Variants in ITIH3 observed in about 807,000 individuals in gnomAD.
The protein encoded by ITIH3 is inter-alpha-trypsin inhibitor heavy chain H3.
ITIH3 carries 81 observed loss-of-function variants against 96.5 expected under a neutral mutation model. The observed-to-expected ratio is 0.84, with a 90% CI of 0.70 to 1.01. The LOEUF (loss-of-function observed/expected upper bound fraction) is 1.01. Among genes scored for constraint, ITIH3 ranks in the 50% least tolerant of loss-of-function variants. The pLI, the probability that ITIH3 is intolerant of heterozygous loss-of-function variation, is 0.00. For missense variants in ITIH3, 1,057 were observed against 1,139.3 expected, an observed-to-expected ratio of 0.93 and a Z score of 1.04; for synonymous variants, 422 against 445.2, an observed-to-expected ratio of 0.95 and a Z score of 0.66.
chr3:52,797,321 G>T, intron 5 of ITIH3, 54 bp downstream of exon 5: 1 of 1,537,090 alleles, frequency 6.5e-7, no homozygotes, highest in South Asian at 1.2e-5. Context: ...GCAGGAACCC[G>T]CCCATGGGGC....
At chr3:52,805,916 TACTC>T in intron 16 of ITIH3, 76 bp downstream of exon 16, 1 of 1,579,088 alleles carries the variant, frequency 6.3e-7, no homozygotes, top group Non-Finnish European at 8.7e-7. Flanking sequence ...CCACCGTGGC[TACTC>T]ACTCAGCTCT....
rs767742844 is a variant in ITIH3 at position 52,799,826 on chromosome 3, G to C, written c.980G>C (p.Gly327Ala). 6.2e-7 allele frequency: 1 copy of C among 1,613,926 alleles called. No individual in the cohort carries two copies. Among genetic ancestry groups the C allele is most frequent in the Non-Finnish European group, 8.5e-7 (1 of 1,179,808 alleles). ...EDYLNFILFS[G>A]DVSTWKEHLV... is the part of the protein sequence containing the mutation. The stretch of plus-strand genomic sequence containing the variant: ...TATCTGAATTTCATCCTGTTCAGTG[G>C]AGATGTGTCCACATGGAAAGAGCAC... Residue 327 changes from glycine (G) to alanine (A), a missense_variant, in exon 9 of 22, where the codon GGA (glycine) becomes GCA (alanine). By Grantham distance (60) the Gly-to-Ala change is moderately conservative. Coordinates refer to ENST00000449956, the MANE Select transcript of ITIH3 (RefSeq NM_002217.4).
At chr3:52,797,792 C>T in intron 5 of ITIH3, 25 bp from the exon 6 acceptor site, 1 of 1,485,454 alleles carries the variant, frequency 6.7e-7, no homozygotes, top group Non-Finnish European at 9.3e-7. Context: ...CACTGAGTGA[C>T]ATTTCCTTAC....
Position 52,799,877 on chromosome 3 carries a change from T to C in ITIH3, c.1031T>C (p.Leu344Pro). 1 of 1,613,836 alleles carries C rather than the reference T, an allele frequency of 6.2e-7. No homozygotes were observed. Among genetic ancestry groups the C allele is most frequent in the Non-Finnish European group, 8.5e-7 (1 of 1,179,808 alleles). Reference protein sequence around the residue: ...EHLVQATPENLQEARTFVKSM... With the variant: ...EHLVQATPENPQEARTFVKSM... ...TTAGTCCAGGCCACGCCCGAGAACC[T>C]CCAGGAGGCCAGGACGTTTGTGAAG... The change falls in exon 9 of 22, where the codon CTC (leucine) becomes CCC (proline). Residue 344 changes from leucine to proline, a missense_variant. Coordinates refer to ENST00000449956, the MANE Select transcript of ITIH3 (RefSeq NM_002217.4).
At chr3:52,801,234 G>A (rs1378361280) in intron 11 of ITIH3, 88 bp downstream of exon 11, 2 of 1,223,424 alleles carry the variant, frequency 1.6e-6, no homozygotes, top group African/African-American at 3.1e-5. Context: ...CTAGTTATTA[G>A]GAAGAGCTTC....
intron 19 of ITIH3, among the ~76,000 whole-genome samples, 170 bp from the exon 20 acceptor site, chr3:52,807,577 G>C (rs1416244857): frequency 6.6e-6 from 1 of 152,236 alleles, no homozygotes; most frequent in Admixed American, 6.5e-5. Flanking sequence ...CACGGGAGGG[G>C]AGACAGTGTG....
chr3:52,800,857 G>A (rs556793699), intron 10 of ITIH3, 108 bp from the exon 11 acceptor site: 30 of 1,509,386 alleles, frequency 2.0e-5, no homozygotes, highest in South Asian at 1.2e-4. Context: ...GCTCATGGTC[G>A]TGACTCCAGC....
intron 11 of ITIH3, among the ~76,000 whole-genome samples, chr3:52,801,708 A>G (rs1255789005): frequency 6.6e-6 from 1 of 152,148 alleles, no homozygotes; most frequent in African/African-American, 2.4e-5. Flanking sequence ...ATCATATTGG[A>G]TTAGGGCCCA....
At position 52,797,139 on chromosome 3, in the gene ITIH3, T is replaced by C; in HGVS notation, c.421T>C (p.Ser141Pro). The C allele has an allele frequency of 6.2e-7, 1 of 1,609,810 alleles. No homozygotes were observed. Among genetic ancestry groups the C allele is most frequent in the Non-Finnish European group, 8.5e-7 (1 of 1,178,404 alleles). ...GAGGAAGTTGGAGAAGTTCACAGTC[T>C]CGGTCAACGTGGCTGCAGGCAGCAA... ...SGRKLEKFTV[S>P]VNVAAGSKVT... The change falls in exon 5 of 22, where the codon TCG becomes CCG. Residue 141 changes from serine (S) to proline (P), a missense_variant. Coordinates refer to ENST00000449956, the MANE Select transcript of ITIH3 (RefSeq NM_002217.4).
Position 52,799,914 on chromosome 3 carries a change from T to C in ITIH3, c.1068T>C (p.Asp356=), listed in dbSNP as rs1413918383. 1.2e-6 allele frequency: 2 copies of C among 1,613,338 alleles called. No homozygotes were observed. Among genetic ancestry groups the C allele is most frequent in the South Asian group, 1.1e-5 (1 of 90,990 alleles). ...EARTFVKSME[D]KGMTNINDGL... ...GGACGTTTGTGAAGAGCATGGAGGA[T>C]AAAGGAAGTAAGAGCGGAGCTGGAG... The change falls in exon 9 of 22, where the codon GAT becomes GAC. Residue 356 remains aspartate, a synonymous_variant. Coordinates refer to ENST00000449956, the MANE Select transcript of ITIH3 (RefSeq NM_002217.4).
At chr3:52,797,955 G>A in intron 6 of ITIH3, 25 bp downstream of exon 6, 1 of 1,366,544 alleles carries the variant, frequency 7.3e-7, no homozygotes, top group Non-Finnish European at 1.0e-6. Flanking sequence ...TCTCAGACCT[G>A]GTGGGGCAGG....
chr3:52,802,272 G>C, intron 11 of ITIH3, 62 bp from the exon 12 acceptor site: 1 of 1,560,324 alleles, frequency 6.4e-7, no homozygotes. Flanking sequence ...TGGATGCCCA[G>C]CTGCAGCATC....
chr3:52,804,437 A>C (rs1699963085), intron 14 of ITIH3: 7 of 464,018 alleles, frequency 1.5e-5, no homozygotes, highest in Non-Finnish European at 2.3e-5. Flanking sequence ...AGATTGCCCT[A>C]CTCAACAGGG....
At chr3:52,808,034 C>G in intron 20 of ITIH3, 76 bp from the exon 21 acceptor site, 2 of 1,577,396 alleles carry the variant, frequency 1.3e-6, no homozygotes, top group South Asian at 2.2e-5. Context: ...GCCTTTGCAT[C>G]AACCCTGAAA....
rs1250605457 is a variant in ITIH3 at position 52,800,532 on chromosome 3, T to C, written c.1076-6T>C. ...CCTCCCACGGTGCTGTCTGTCTGTG[T>C]CCCAGTGACCAACATCAATGACGGG... On this transcript the variant is annotated splice_polypyrimidine_tract_variant and splice_region_variant and intron_variant, in intron 9 of 21. Coordinates refer to ENST00000449956, the MANE Select transcript of ITIH3 (RefSeq NM_002217.4). The C allele has an allele frequency of 1.3e-6, 2 of 1,553,472 alleles. No individual in the cohort carries two copies. The highest frequency in any genetic ancestry group is 2.0e-5 in the Admixed American group (1 of 51,136).
intron 19 of ITIH3, 138 bp from the exon 20 acceptor site, chr3:52,807,609 C>A (rs141801574): frequency 5.5e-6 from 4 of 726,272 alleles, no homozygotes; most frequent in South Asian, 3.8e-5. Context: ...CTCTTTCCAA[C>A]GCCCCTGAGA....
chr3:52,796,963 T>C (rs955035992), intron 4 of ITIH3, 120 bp downstream of exon 4: 108 of 1,219,974 alleles, frequency 8.9e-5, no homozygotes, highest in Non-Finnish European at 1.6e-5. Flanking sequence ...ATTTTGCCAT[T>C]ATCCCACGTT....
At chr3:52,805,902 C>T in intron 16 of ITIH3, 62 bp downstream of exon 16, 2 of 1,590,948 alleles carry the variant, frequency 1.3e-6, no homozygotes, top group Non-Finnish European at 1.7e-6. Flanking sequence ...TGCCACATGT[C>T]CCTCCACCGT....
In ITIH3 at chr3:52,808,212, T is replaced by C. The variant is rs1338697637; in HGVS notation, c.2534T>C (p.Ile845Thr). 1.1e-5 allele frequency: 17 copies of C among 1,613,422 alleles called. No individual in the cohort carries two copies. The highest frequency in any genetic ancestry group is 1.3e-5 in the African/African-American group (1 of 74,900). ...TTGGTGGTGAAGAACCATCAGCTGA[T>C]TGTCACCAGGTGAGGAGACTTCTCC... is the stretch of plus-strand genomic sequence containing the variant. ...ATLVVKNHQLIVTRGSQKDYR... is the reference protein window; with the variant it reads ...ATLVVKNHQLTVTRGSQKDYR... The change falls in exon 21 of 22, where the codon ATT (isoleucine) becomes ACT (threonine). Residue 845 changes from isoleucine to threonine, a missense_variant. Coordinates refer to ENST00000449956, the MANE Select transcript of ITIH3 (RefSeq NM_002217.4).
Sources: allele counts gnomAD v4.1 joint callset (sites outside exome capture counted in the v4.1 genomes callset), GRCh38; gene constraint gnomAD v4.1.1; transcripts MANE v1.5; gene names NCBI Gene and HGNC (gene_info 2026-07-23, HGNC 2026-07-21).